The following MDFIC2 variants were observed in gnomAD, a reference collection of about 807,000 sequenced individuals.
MDFIC2 encodes the protein myoD family inhibitor domain-containing protein 2.
chr3:70,262,043 C>T (rs1265279470), intron 2 of MDFIC2, among the ~76,000 whole-genome samples: 2 of 152,170 alleles, frequency 1.3e-5, no homozygotes, highest in African/African-American at 4.8e-5. Flanking sequence ...TTGAGCCATT[C>T]CTCATGTGTC....
intron 2 of MDFIC2, among the ~76,000 whole-genome samples, chr3:70,285,918 T>A (rs1702157504): frequency 6.6e-6 from 1 of 151,512 alleles, no homozygotes; most frequent in African/African-American, 2.4e-5. Flanking sequence ...TGTTTTTTTC[T>A]TGTAAATTTG....
At position 70,196,518 on chromosome 3, in the gene MDFIC2, A is replaced by G. The variant is rs1012824631; in HGVS notation, c.*408T>C. 6.6e-6 allele frequency among the ~76,000 whole-genome samples: 1 copy of G among 152,236 alleles called. No homozygotes were observed. The highest frequency in any genetic ancestry group is 1.5e-5 in the Non-Finnish European group (1 of 68,040). On this transcript the variant is annotated 3_prime_UTR_variant, in exon 4 of 4. Coordinates refer to ENST00000567252, the MANE Select transcript of MDFIC2 (RefSeq NM_001364677.1). ...GTTTATGCATGAGTCCATTAGAAAG[A>G]CGAGCTAATGTATGTCAATTCTAAA...
At chr3:70,290,779 C>T (rs1702229443) in intron 2 of MDFIC2, among the ~76,000 whole-genome samples, 1 of 152,282 alleles carries the variant, frequency 6.6e-6, no homozygotes, top group South Asian at 2.1e-4. Flanking sequence ...GTTTTTTAAG[C>T]TTGTCGGAAA....
At chr3:70,281,184 T>C (rs1286565517) in intron 2 of MDFIC2, among the ~76,000 whole-genome samples, 1 of 152,140 alleles carries the variant, frequency 6.6e-6, no homozygotes, top group East Asian at 1.9e-4. Context: ...TTAGTGTAGT[T>C]GTCAGGATGC....
At chr3:70,295,633 AGTGAGCT>A (rs1702282789) in intron 2 of MDFIC2, among the ~76,000 whole-genome samples, 1 of 152,160 alleles carries the variant, frequency 6.6e-6, no homozygotes, top group South Asian at 2.1e-4. Context: ...TTGAGCCTGC[AGTGAGCT>A]GTGATTGTGT....
chr3:70,262,735 A>G (rs1216247016), intron 2 of MDFIC2, among the ~76,000 whole-genome samples: 1 of 152,122 alleles, frequency 6.6e-6, no homozygotes, highest in Non-Finnish European at 1.5e-5. Flanking sequence ...GGGATCTGTA[A>G]GTTTATAGTT....
intron 2 of MDFIC2, among the ~76,000 whole-genome samples, chr3:70,250,586 G>T (rs1212695910): frequency 6.6e-6 from 1 of 152,096 alleles, no homozygotes; most frequent in Non-Finnish European, 1.5e-5. Flanking sequence ...AATAGTCTCT[G>T]AGCAGCCAGT....
At chr3:70,308,145 A>G (rs1296619498) in intron 2 of MDFIC2, among the ~76,000 whole-genome samples, 9 of 152,104 alleles carry the variant, frequency 5.9e-5, no homozygotes, top group Admixed American at 5.2e-4. Context: ...TCAACCTCCC[A>G]GGCTCAAGCA....
At chr3:70,221,221 A>C (rs1701458023) in intron 2 of MDFIC2, among the ~76,000 whole-genome samples, 2 of 152,158 alleles carry the variant, frequency 1.3e-5, no homozygotes, top group African/African-American at 4.8e-5. Context: ...TTTATTCATT[A>C]GTGCCTGCTA....
intron 2 of MDFIC2, among the ~76,000 whole-genome samples, chr3:70,245,509 A>G (rs1281397294): frequency 1.3e-5 from 2 of 151,574 alleles, no homozygotes; most frequent in East Asian, 3.9e-4. Context: ...TAACTTAAAT[A>G]GAAAGCAGTT....
At chr3:70,291,366 A>G (rs1160610146) in intron 2 of MDFIC2, 3 of 152,182 alleles carry the variant, frequency 2.0e-5, no homozygotes, top group Non-Finnish European at 4.4e-5. Flanking sequence ...GAACAGTGTT[A>G]TATGAATACT....
chr3:70,272,636 A>G (rs1701985729), intron 2 of MDFIC2, among the ~76,000 whole-genome samples: 1 of 152,186 alleles, frequency 6.6e-6, no homozygotes, highest in African/African-American at 2.4e-5. Context: ...AGAATTGCCC[A>G]GTCGAATGGC....
chr3:70,198,380 C>T lies in MDFIC2; in HGVS notation c.311-1195G>A, dbSNP rs184800835. Among the ~76,000 whole-genome samples the T allele has an allele frequency of 1.6e-3, 238 of 152,124 alleles. 6 individuals carry two copies. Among genetic ancestry groups the T allele is most frequent in the Admixed American group, 0.014 (220 of 15,288 alleles). Reference sequence around the variant, plus strand: ...TTGCCTACAGTATAAGTGCTCTTATCGCCGTATTCATTTACTTTTATTTTC... The same window carrying T: ...TTGCCTACAGTATAAGTGCTCTTATTGCCGTATTCATTTACTTTTATTTTC... On this transcript the variant is annotated intron_variant, in intron 3 of 3. Coordinates refer to ENST00000567252, the MANE Select transcript of MDFIC2 (RefSeq NM_001364677.1).
chr3:70,224,845 T>G (rs2106739622), intron 2 of MDFIC2, among the ~76,000 whole-genome samples: 1 of 152,072 alleles, frequency 6.6e-6, no homozygotes, highest in East Asian at 1.9e-4. Context: ...ACCTCACCCA[T>G]CCAACAAAGA....
chr3:70,255,281 T>C (rs1217489550), intron 2 of MDFIC2, among the ~76,000 whole-genome samples: 1 of 152,202 alleles, frequency 6.6e-6, no homozygotes, highest in Non-Finnish European at 1.5e-5. Context: ...AAAACAAAAC[T>C]TCTATGAAAA....
At chr3:70,300,633 A>C (rs1322218331) in intron 2 of MDFIC2, among the ~76,000 whole-genome samples, 2 of 152,094 alleles carry the variant, frequency 1.3e-5, no homozygotes, top group Admixed American at 1.3e-4. Context: ...AAAAAGAACT[A>C]GTTATTTCTC....
At chr3:70,278,259 C>G (rs559826857) in intron 2 of MDFIC2, among the ~76,000 whole-genome samples, 1 of 152,006 alleles carries the variant, frequency 6.6e-6, no homozygotes, top group Non-Finnish European at 1.5e-5. Flanking sequence ...TTGTGTGTAC[C>G]GGTAGTTCAA....
At chr3:70,290,403 G>A (rs1019151828) in intron 2 of MDFIC2, among the ~76,000 whole-genome samples, 2 of 152,204 alleles carry the variant, frequency 1.3e-5, no homozygotes, top group Non-Finnish European at 2.9e-5. Flanking sequence ...CACTTGAGGA[G>A]GCAGTCTGCC....
chr3:70,284,931 G>C (rs1056552545), intron 2 of MDFIC2, among the ~76,000 whole-genome samples: 2 of 152,118 alleles, frequency 1.3e-5, no homozygotes, highest in Non-Finnish European at 2.9e-5. Flanking sequence ...AATGGCATTG[G>C]TGTAACTGAT....
Sources: allele counts gnomAD v4.1 joint callset (sites outside exome capture counted in the v4.1 genomes callset), GRCh38; gene constraint gnomAD v4.1.1; transcripts MANE v1.5; gene names NCBI Gene and HGNC (gene_info 2026-07-23, HGNC 2026-07-21).